RPS6KA2: variants seen among roughly 807,000 people sequenced by gnomAD.
RPS6KA2 encodes the protein ribosomal protein S6 kinase alpha-2.
Under a neutral mutation model 91.8 loss-of-function variants are expected in RPS6KA2, and 42 were observed. The observed-to-expected ratio is 0.46, with a 90% confidence interval of 0.36 to 0.59. The LOEUF (loss-of-function observed/expected upper bound fraction) is 0.59, where lower values mean the gene tolerates loss of function less well. Among genes scored for constraint, RPS6KA2 ranks in the 20% least tolerant of loss-of-function variants. RPS6KA2 has a pLI of 0.00. For synonymous variants in RPS6KA2, 414 were observed against 393.6 expected (o/e 1.05, Z -0.61); for missense variants, 798 against 978.5 (o/e 0.82, Z 2.46).
At position 166,448,434 on chromosome 6, in the gene RPS6KA2, C is replaced by T. The variant is rs1390917810; in HGVS notation, c.1332+290G>A. Among the ~76,000 whole-genome samples the T allele has an allele frequency of 6.6e-6, 1 of 152,138 alleles. No individual in the cohort carries two copies. On this transcript the variant is annotated intron_variant, in intron 14 of 20. Transcript: ENST00000265678. This position sits in a 1 kb window ranked among gnomAD's most constrained non-coding sequence, Gnocchi z 4.7. ...TGCAAAACTACCTTTTAATGGGTGA[C>T]CTCATATCAAAGCAAACTGAACTCC...
chr6:166,797,943 G>A (rs938721750), intron 2 of RPS6KA2, among the ~76,000 whole-genome samples: 3 of 152,114 alleles, frequency 2.0e-5, no homozygotes, highest in Non-Finnish European at 2.9e-5. Context: ...AGAAGACACT[G>A]GAGTAAAAGG....
chr6:166,506,759 G>A (rs926311469), intron 5 of RPS6KA2, among the ~76,000 whole-genome samples: 1 of 152,112 alleles, frequency 6.6e-6, no homozygotes, highest in African/African-American at 2.4e-5. Context: ...AAGACAGCGG[G>A]GTCTCCTGCT....
At chr6:166,596,952 G>T (rs1785553891) in intron 1 of RPS6KA2, among the ~76,000 whole-genome samples, 1 of 152,144 alleles carries the variant, frequency 6.6e-6, no homozygotes, top group Admixed American at 6.5e-5. Flanking sequence ...AGGGGACTGT[G>T]GTGATTCACC....
chr6:166,542,853 C>T (rs867065049), intron 1 of RPS6KA2, among the ~76,000 whole-genome samples: 1 of 151,968 alleles, frequency 6.6e-6, no homozygotes. Flanking sequence ...ATAAAAAGTG[C>T]AAATTAAAAG....
intron 2 of RPS6KA2, among the ~76,000 whole-genome samples, chr6:166,712,179 A>C (rs1022772221): frequency 6.6e-6 from 1 of 152,174 alleles, no homozygotes; most frequent in Non-Finnish European, 1.5e-5. Context: ...TGGGGGAGGA[A>C]ATTCTGGCAG....
Position 166,412,560 on chromosome 6 carries a change from G to T in RPS6KA2, c.*202C>A. The stretch of plus-strand genomic sequence containing the variant: ...CTTGGGAGAAAAGAGAGCGGGCGGG[G>T]AGGCTGGCGCAGTGAGGCTTGGAGA... On this transcript the variant is annotated 3_prime_UTR_variant, in exon 21 of 21. Transcript: ENST00000265678. The surrounding 1 kb of genome is among the most constrained non-coding windows in gnomAD (Gnocchi z 4.3). 2.1e-6 allele frequency: 1 copy of T among 482,636 alleles called. No homozygotes were observed. Among genetic ancestry groups the T allele is most frequent in the Non-Finnish European group, 3.6e-6 (1 of 277,444 alleles). 29.9% of individuals were successfully genotyped at this position (482,636 alleles called of 1,614,324 possible).
intron 1 of RPS6KA2, among the ~76,000 whole-genome samples, chr6:166,581,339 A>C (rs1254234796): frequency 6.6e-6 from 1 of 152,152 alleles, no homozygotes; most frequent in Non-Finnish European, 1.5e-5. Context: ...TGCCGACAGC[A>C]CCTGGGCTCC....
intron 2 of RPS6KA2, among the ~76,000 whole-genome samples, chr6:166,803,807 T>A (rs992767311): frequency 6.6e-6 from 1 of 152,252 alleles, no homozygotes; most frequent in African/African-American, 2.4e-5. Context: ...CTCTTAGATA[T>A]TCCATAGCTA....
chr6:166,652,972 C>G (rs1787903191), intron 2 of RPS6KA2, among the ~76,000 whole-genome samples: 1 of 152,338 alleles, frequency 6.6e-6, no homozygotes, highest in Admixed American at 6.5e-5. Flanking sequence ...GCCAGGGCAC[C>G]CACTGTGGAC....
chr6:166,441,497 C>A (rs369939346), intron 14 of RPS6KA2, among the ~76,000 whole-genome samples: 8 of 152,234 alleles, frequency 5.3e-5, no homozygotes, highest in Non-Finnish European at 1.2e-4. Context: ...TTCCCCAAGA[C>A]GGGTGCAGCT....
intron 2 of RPS6KA2, among the ~76,000 whole-genome samples, chr6:166,832,120 T>C (rs1276554784): frequency 6.6e-6 from 1 of 152,182 alleles, no homozygotes; most frequent in Non-Finnish European, 1.5e-5. Flanking sequence ...TTGCATGTTA[T>C]GACCGAGGAA....
rs778336368 is a variant in RPS6KA2, at chr6:166,839,176, C to T, written c.123+19024G>A. On this transcript the variant is annotated intron_variant, in intron 2 of 21. Coordinates refer to the RPS6KA2 transcript ENST00000503859. The stretch of plus-strand genomic sequence containing the variant: ...CAGCCAGAAGGAACTCACAGCCACC[C>T]GCTGGGGGACCCGCGCGTAAGTCAT... 1.7e-4 allele frequency among the ~76,000 whole-genome samples: 26 copies of T among 152,188 alleles called. 1 individual carries two copies. The highest frequency in any genetic ancestry group is 1.6e-3 in the Admixed American group (24 of 15,276).
chr6:166,734,486 A>G (rs1285743559), intron 2 of RPS6KA2, among the ~76,000 whole-genome samples: 1 of 152,198 alleles, frequency 6.6e-6, no homozygotes, highest in East Asian at 1.9e-4. Flanking sequence ...AATGGTATAT[A>G]ATTACTCTGT....
At chr6:166,689,404 A>C (rs948914046) in intron 2 of RPS6KA2, among the ~76,000 whole-genome samples, 4 of 152,242 alleles carry the variant, frequency 2.6e-5, no homozygotes, top group African/African-American at 7.2e-5. Context: ...CCAACGTGAT[A>C]CAAGGAAAAG....
At chr6:166,579,881 A>G (rs1291395865) in intron 1 of RPS6KA2, among the ~76,000 whole-genome samples, 1 of 152,234 alleles carries the variant, frequency 6.6e-6, no homozygotes, top group East Asian at 1.9e-4. Flanking sequence ...CTGTTTTGAG[A>G]AGAAAAAAAA....
intron 2 of RPS6KA2, among the ~76,000 whole-genome samples, chr6:166,725,647 CA>C (rs1790314075): frequency 6.6e-6 from 1 of 152,224 alleles, no homozygotes; most frequent in South Asian, 2.1e-4. Flanking sequence ...CTGGGTGAGC[CA>C]GTGGGGGGTG....
At chr6:166,485,614 T>C (rs192520099) in intron 10 of RPS6KA2, among the ~76,000 whole-genome samples, 6 of 152,284 alleles carry the variant, frequency 3.9e-5, no homozygotes, top group Middle Eastern at 3.4e-3. Context: ...GGCACCGCGA[T>C]GCATTGGCTT....
chr6:166,791,467 T>G (rs1223411140), intron 2 of RPS6KA2, among the ~76,000 whole-genome samples: 1 of 151,944 alleles, frequency 6.6e-6, no homozygotes, highest in African/African-American at 2.4e-5. Context: ...GAGACAGAAA[T>G]TTAACAAGGA....
At chr6:166,503,392 C>G (rs1782088248) in intron 6 of RPS6KA2, among the ~76,000 whole-genome samples, 1 of 152,234 alleles carries the variant, frequency 6.6e-6, no homozygotes, top group Non-Finnish European at 1.5e-5. Context: ...CATCTAACAA[C>G]ACCAGCTTCG....
Sources: allele counts gnomAD v4.1 joint callset (sites outside exome capture counted in the v4.1 genomes callset), GRCh38; gene constraint gnomAD v4.1.1; non-coding constraint Gnocchi (gnomAD v3.1); transcripts MANE v1.5; gene names NCBI Gene and HGNC (gene_info 2026-07-23, HGNC 2026-07-21).